The following NTRK2 variants were observed in gnomAD, a reference collection of about 807,000 sequenced individuals.
The protein encoded by NTRK2 is BDNF/NT-3 growth factors receptor.
NTRK2 carries 13 observed loss-of-function variants against 94.5 expected under a neutral mutation model. That is an observed-to-expected ratio of 0.14 (90% confidence interval 0.09 to 0.22). The LOEUF is 0.22. Ranked by LOEUF, NTRK2 falls within the 10% of genes least tolerant of loss-of-function variation. The pLI is 1.00. For missense variants in NTRK2, 639 were observed against 1,071.2 expected (o/e 0.60, Z 5.63); for synonymous variants, 372 against 407.4 (o/e 0.91, Z 1.05).
intron 17 of NTRK2, among the ~76,000 whole-genome samples, chr9:85,006,663 C>G (rs377728302): frequency 6.7e-6 from 1 of 150,004 alleles, no homozygotes; most frequent in African/African-American, 2.5e-5. Flanking sequence ...TCCCAGCTCC[C>G]TCTCACACTG....
At chr9:84,700,920 G>A (rs145790960) in intron 2 of NTRK2, among the ~76,000 whole-genome samples, 7 of 152,030 alleles carry the variant, frequency 4.6e-5, no homozygotes, top group East Asian at 1.9e-4. Flanking sequence ...CCATCCATCC[G>A]TCCATCCATC....
At chr9:84,731,100 T>C (rs1249688805) in intron 9 of NTRK2, among the ~76,000 whole-genome samples, 3 of 152,020 alleles carry the variant, frequency 2.0e-5, no homozygotes, top group African/African-American at 7.2e-5. Flanking sequence ...TAATGTGACA[T>C]CTCTGGTGTC....
intron 17 of NTRK2, among the ~76,000 whole-genome samples, chr9:84,971,493 C>G (rs1487103409): frequency 6.6e-6 from 1 of 152,176 alleles, no homozygotes; most frequent in Non-Finnish European, 1.5e-5. Flanking sequence ...TGGGCTCCTT[C>G]CCCACTGGGC....
intron 14 of NTRK2, among the ~76,000 whole-genome samples, chr9:84,915,470 T>C (rs921618497): frequency 1.6e-4 from 24 of 152,172 alleles, no homozygotes; most frequent in Non-Finnish European, 2.9e-4. Context: ...TCTCTCTTGC[T>C]GCCACTCTTT....
chr9:84,952,443 T>A (rs2808705), intron 16 of NTRK2, among the ~76,000 whole-genome samples: 102,824 of 151,876 alleles, frequency 0.68, 35,898 homozygotes, highest in South Asian at 0.79. Context: ...GTGCTTTTTT[T>A]AATTTTGTTA....
chr9:84,794,754 C>T (rs927348404), intron 12 of NTRK2, among the ~76,000 whole-genome samples: 1 of 152,104 alleles, frequency 6.6e-6, no homozygotes, highest in Non-Finnish European at 1.5e-5. Flanking sequence ...CTTTGGGAGT[C>T]TAGGACAGAG....
chr9:84,998,817 TG>T (rs1195721107), intron 17 of NTRK2, among the ~76,000 whole-genome samples: 1 of 152,218 alleles, frequency 6.6e-6, no homozygotes, highest in African/African-American at 2.4e-5. Flanking sequence ...CATTTACACA[TG>T]ATACAGTGTC....
chr9:84,759,327 T>C (rs996329554), intron 12 of NTRK2, among the ~76,000 whole-genome samples: 3 of 152,228 alleles, frequency 2.0e-5, no homozygotes, highest in Non-Finnish European at 4.4e-5. Context: ...TTACAACATA[T>C]TGAAAATGTG....
chr9:84,704,244 T>TG (rs2060904116), intron 4 of NTRK2, among the ~76,000 whole-genome samples: 2 of 146,336 alleles, frequency 1.4e-5, no homozygotes, highest in Non-Finnish European at 3.0e-5. Context: ...TTTTTTTTTT[T>TG]TTGAGATGGA....
At chr9:84,678,509 C>A (rs544154296) in intron 2 of NTRK2, among the ~76,000 whole-genome samples, 1 of 152,334 alleles carries the variant, frequency 6.6e-6, no homozygotes, top group South Asian at 2.1e-4. Context: ...ACCCCAGAGT[C>A]CCTTGCTGTG....
Position 84,733,778 on chromosome 9 carries a change from A to G in NTRK2, c.1159+5819A>G, listed in dbSNP as rs372789703. On this transcript the variant is annotated intron_variant, in intron 9 of 18. Transcript: ENST00000277120. Reference sequence around the variant, plus strand: ...TGAAGGTATGCAGAAAATATAGGCAATGGAGGACAAAGACACCTCTTTAAA... The same window carrying G: ...TGAAGGTATGCAGAAAATATAGGCAGTGGAGGACAAAGACACCTCTTTAAA... Among the ~76,000 whole-genome samples, 10 of 152,346 alleles carry G rather than the reference A, an allele frequency of 6.6e-5. No homozygotes were observed. The East Asian group carries it at 1.5e-3, about 24-fold the overall frequency.
intron 12 of NTRK2, among the ~76,000 whole-genome samples, chr9:84,854,668 C>G (rs539169509): frequency 1.3e-5 from 2 of 151,942 alleles, no homozygotes; most frequent in Non-Finnish European, 2.9e-5. Context: ...GCCTGAGGGC[C>G]GGGCGCGGTG....
chr9:84,858,883 A>C lies in NTRK2; in HGVS notation c.1397-2157A>C, dbSNP rs371180906. The stretch of plus-strand genomic sequence containing the variant: ...GCAACTAAAAAAGAATGAAAAAAAA[A>C]CCCACTATGATTTGACATCAGAAGA... On this transcript the variant is annotated intron_variant, in intron 12 of 18. Transcript: ENST00000277120. 1.4e-3 allele frequency among the ~76,000 whole-genome samples: 208 copies of C among 152,338 alleles called. 2 individuals carry two copies. Among genetic ancestry groups the C allele is most frequent in the African/African-American group, 3.4e-3 (143 of 41,580 alleles).
chr9:85,008,148 G>A (rs1406946315), intron 17 of NTRK2, among the ~76,000 whole-genome samples: 1 of 151,756 alleles, frequency 6.6e-6, no homozygotes, highest in Non-Finnish European at 1.5e-5. Context: ...TAGCAGAAGG[G>A]AACTGACAGC....
chr9:84,896,840 G>A (rs2076772334), intron 14 of NTRK2, among the ~76,000 whole-genome samples: 1 of 152,170 alleles, frequency 6.6e-6, no homozygotes, highest in African/African-American at 2.4e-5. Flanking sequence ...TGGTGAGGAT[G>A]AGGATGAAGA....
intron 12 of NTRK2, among the ~76,000 whole-genome samples, chr9:84,759,310 T>G (rs1337899624): frequency 6.6e-6 from 1 of 152,264 alleles, no homozygotes; most frequent in East Asian, 1.9e-4. Flanking sequence ...CAGAAGATGC[T>G]TATTCTTTAC....
intron 14 of NTRK2, among the ~76,000 whole-genome samples, chr9:84,889,989 G>C (rs1423721101): frequency 6.6e-6 from 1 of 152,186 alleles, no homozygotes; most frequent in Non-Finnish European, 1.5e-5. Flanking sequence ...AGATATAAAT[G>C]TCTGCTGTTT....
chr9:84,913,038 A>G (rs1253118971), intron 14 of NTRK2, among the ~76,000 whole-genome samples: 1 of 152,092 alleles, frequency 6.6e-6, no homozygotes, highest in African/African-American at 2.4e-5. Context: ...ATTCTATTTA[A>G]TGCAATTATT....
chr9:84,781,100 T>G (rs774455641), intron 12 of NTRK2, among the ~76,000 whole-genome samples: 1 of 152,198 alleles, frequency 6.6e-6, no homozygotes, highest in Non-Finnish European at 1.5e-5. Context: ...CTTTTCTTCC[T>G]CTCTTCATAA....
Sources: allele counts gnomAD v4.1 joint callset (sites outside exome capture counted in the v4.1 genomes callset), GRCh38; gene constraint gnomAD v4.1.1; transcripts MANE v1.5; gene names NCBI Gene and HGNC (gene_info 2026-07-23, HGNC 2026-07-21).